GRIN2A: variants seen among roughly 807,000 people sequenced by gnomAD.
GRIN2A encodes glutamate ionotropic receptor NMDA type subunit 2A, also known as glutamate receptor ionotropic, NMDA 2A.
A neutral mutation model predicts 113.4 loss-of-function variants in GRIN2A; 22 were observed. The observed-to-expected ratio is 0.19, with a 90% CI of 0.14 to 0.28. GRIN2A has a LOEUF of 0.28. Among genes scored for constraint, GRIN2A ranks in the 10% least tolerant of loss-of-function variants. GRIN2A has a pLI of 1.00. For missense variants in GRIN2A, 1,502 were observed against 1,887.0 expected (o/e 0.80, Z 3.78); for synonymous variants, 827 against 738.4 (o/e 1.12, Z -1.94).
At chr16:9,808,177 C>G (rs997866973) in intron 10 of GRIN2A, among the ~76,000 whole-genome samples, 1 of 152,180 alleles carries the variant, frequency 6.6e-6, no homozygotes, top group African/African-American at 2.4e-5. Flanking sequence ...TGAACATTTA[C>G]TATGTGCTGG....
At chr16:9,923,438 T>G (rs901142917) in intron 3 of GRIN2A, among the ~76,000 whole-genome samples, 33 of 152,198 alleles carry the variant, frequency 2.2e-4, no homozygotes, top group African/African-American at 8.0e-4. Flanking sequence ...TACAGTAGGT[T>G]TAAACCTATC....
intron 5 of GRIN2A, among the ~76,000 whole-genome samples, chr16:9,847,516 G>A (rs2042793315): frequency 6.6e-6 from 1 of 151,868 alleles, no homozygotes; most frequent in Non-Finnish European, 1.5e-5. Context: ...AGTGAGCCGT[G>A]ATCACACCAC....
At position 9,762,419 on chromosome 16, in the gene GRIN2A, A is replaced by G. The variant is rs1166814827; in HGVS notation, c.*730T>C. The G allele has an allele frequency of 4.4e-6, 1 of 225,144 alleles. No homozygotes were observed. Among genetic ancestry groups the G allele is most frequent in the Non-Finnish European group, 8.9e-6 (1 of 112,656 alleles). The allele number at this position is 225,144 out of a possible 1,614,324, so 13.9% of individuals were successfully genotyped here. Reference sequence around the variant, plus strand: ...GAAGCCGAGGGTGAGAGAAACACACATCAACATCCAAAGAGATTCCTGTAG... The same window carrying G: ...GAAGCCGAGGGTGAGAGAAACACACGTCAACATCCAAAGAGATTCCTGTAG... On this transcript the variant is annotated 3_prime_UTR_variant, in exon 13 of 13. Coordinates refer to ENST00000330684, the MANE Select transcript of GRIN2A (RefSeq NM_001134407.3).
intron 2 of GRIN2A, among the ~76,000 whole-genome samples, chr16:10,062,522 G>GCTTTCCA (rs949836640): frequency 3.3e-5 from 5 of 152,132 alleles, no homozygotes; most frequent in African/African-American, 1.2e-4. Context: ...GTTTTCACAA[G>GCTTTCCA]CTTTCCAGGT....
At chr16:10,110,390 C>T (rs1283649574) in intron 2 of GRIN2A, among the ~76,000 whole-genome samples, 9 of 152,198 alleles carry the variant, frequency 5.9e-5, no homozygotes, top group South Asian at 2.1e-4. Context: ...TTCTAATGGA[C>T]GCTATTACAT....
At chr16:10,052,546 G>C (rs1053332914) in intron 2 of GRIN2A, among the ~76,000 whole-genome samples, 2 of 152,226 alleles carry the variant, frequency 1.3e-5, no homozygotes, top group Non-Finnish European at 2.9e-5. Flanking sequence ...GCCAGGGAGA[G>C]GGGTGGGCTA....
chr16:9,834,246 T>A lies in GRIN2A; in HGVS notation c.1652-16A>T. 6.2e-7 allele frequency: 1 copy of A among 1,613,684 alleles called. No homozygotes were observed. The highest frequency in any genetic ancestry group is 8.5e-7 in the Non-Finnish European group (1 of 1,179,634). On this transcript the variant is annotated splice_polypyrimidine_tract_variant and intron_variant, in intron 7 of 12. Transcript: ENST00000330684. Reference sequence around the variant, plus strand: ...CTGAATGGTTCTGCAAATAAACAGATAAAGGAATGGAAACGTGGTTAGTTA... The same window carrying A: ...CTGAATGGTTCTGCAAATAAACAGAAAAAGGAATGGAAACGTGGTTAGTTA...
chr16:9,814,269 G>C (rs987181407), intron 10 of GRIN2A, among the ~76,000 whole-genome samples: 6 of 152,332 alleles, frequency 3.9e-5, no homozygotes, highest in African/African-American at 1.4e-4. Flanking sequence ...TTCCAAGTGG[G>C]GAAGTAAGCC....
rs1343220850 is a variant in GRIN2A, at chr16:10,180,878, C to T, written c.-18-449G>A. ...ACCAAGTTATCAACCCCGCCCCCTG[C>T]TGGCGCGGAGCGAACTACAGACCCC... On this transcript the variant is annotated intron_variant, in intron 1 of 12. Coordinates refer to ENST00000330684, the MANE Select transcript of GRIN2A (RefSeq NM_001134407.3). This position sits in a 1 kb window ranked among gnomAD's most constrained non-coding sequence, Gnocchi z 7.0. 4 of 207,020 alleles carry T rather than the reference C, an allele frequency of 1.9e-5. No individual in the cohort carries two copies. The highest frequency in any genetic ancestry group is 4.0e-5 in the Non-Finnish European group (4 of 100,916). 12.8% of individuals were successfully genotyped at this position (207,020 alleles called of 1,614,324 possible).
chr16:9,953,440 G>C (rs2045229557), intron 2 of GRIN2A, among the ~76,000 whole-genome samples: 1 of 152,162 alleles, frequency 6.6e-6, no homozygotes, highest in South Asian at 2.1e-4. Flanking sequence ...TAGGTAGGGG[G>C]ACAGAGAAAT....
intron 2 of GRIN2A, among the ~76,000 whole-genome samples, chr16:10,019,152 G>T (rs761181321): frequency 6.6e-6 from 1 of 151,714 alleles, no homozygotes; most frequent in African/African-American, 2.4e-5. Flanking sequence ...TAAAAAGAGG[G>T]AAGTCACCTC....
chr16:10,098,848 T>G (rs1158186118), intron 2 of GRIN2A, among the ~76,000 whole-genome samples: 1 of 152,008 alleles, frequency 6.6e-6, no homozygotes, highest in Non-Finnish European at 1.5e-5. Context: ...TTGGATTAAA[T>G]GTATACTGCT....
At chr16:10,121,712 GA>G (rs1197751381) in intron 2 of GRIN2A, 1 of 152,180 alleles carries the variant, frequency 6.6e-6, no homozygotes, top group Non-Finnish European at 1.5e-5. Context: ...CATTGCACAG[GA>G]ACGTGGGGGT....
At chr16:9,904,977 T>C (rs965559383) in intron 3 of GRIN2A, among the ~76,000 whole-genome samples, 1 of 152,206 alleles carries the variant, frequency 6.6e-6, no homozygotes, top group South Asian at 2.1e-4. Flanking sequence ...AAAATTTCAA[T>C]GCTAAAACCA....
chr16:10,098,716 CA>C (rs2048340177), intron 2 of GRIN2A, among the ~76,000 whole-genome samples: 1 of 152,012 alleles, frequency 6.6e-6, no homozygotes, highest in South Asian at 2.1e-4. Flanking sequence ...AATGGAGAAC[CA>C]AACATTGTAT....
intron 2 of GRIN2A, among the ~76,000 whole-genome samples, chr16:9,972,424 C>A (rs2045691023): frequency 6.6e-6 from 1 of 151,988 alleles, no homozygotes; most frequent in South Asian, 2.1e-4. Flanking sequence ...GAAATCTGAC[C>A]CATTCTCAAG....
At position 9,908,613 on chromosome 16, in the gene GRIN2A, G is replaced by A. The variant is rs114856234; in HGVS notation, c.1008-17513C>T. On this transcript the variant is annotated intron_variant, in intron 3 of 12. Coordinates refer to ENST00000330684, the MANE Select transcript of GRIN2A (RefSeq NM_001134407.3). ...AGGAGAAGAAGAAGACAGACCAACA[G>A]GAGAGTAAAGGGAGAAGTGTGGGAA... Among the ~76,000 whole-genome samples, 1,501 of 152,156 alleles carry A rather than the reference G, an allele frequency of 9.9e-3. 30 individuals carry two copies. Among genetic ancestry groups the A allele is most frequent in the African/African-American group, 0.034 (1,421 of 41,498 alleles).
At chr16:10,015,218 A>G (rs1299742016) in intron 2 of GRIN2A, among the ~76,000 whole-genome samples, 1 of 128,952 alleles carries the variant, frequency 7.8e-6, no homozygotes, top group Non-Finnish European at 1.6e-5. Context: ...GCACCACCGC[A>G]CTCCAGCCTG....
Position 9,822,311 on chromosome 16 carries a change from T to G in GRIN2A, c.2121A>C (p.Lys707Asn). The change falls in exon 10 of 13, where the codon AAA (lysine) becomes AAC (asparagine). Residue 707 changes from lysine (K) to asparagine (N), a missense_variant. Physicochemically the swap from Lys to Asn is moderately conservative, Grantham distance 94. Coordinates refer to ENST00000330684, the MANE Select transcript of GRIN2A (RefSeq NM_001134407.3). ...NYPYMHQYMT[K>N]FNQKGVEDAL... is the part of the protein sequence containing the mutation. ...CGTCCTCTACTCCTTTCTGATTAAA[T>G]TTGGTCATGTACTGATGCATGTAGG... is the stretch of plus-strand genomic sequence containing the variant. The G allele has an allele frequency of 6.2e-7, 1 of 1,613,428 alleles. No homozygotes were observed. The highest frequency in any genetic ancestry group is 8.5e-7 in the Non-Finnish European group (1 of 1,179,374).
Sources: allele counts gnomAD v4.1 joint callset (sites outside exome capture counted in the v4.1 genomes callset), GRCh38; gene constraint gnomAD v4.1.1; non-coding constraint Gnocchi (gnomAD v3.1); transcripts MANE v1.5; gene names NCBI Gene and HGNC (gene_info 2026-07-23, HGNC 2026-07-21).